The following TMC5 variants were observed in gnomAD, a reference collection of about 807,000 sequenced individuals.
TMC5 encodes the protein transmembrane channel like 5.
In TMC5, 86 loss-of-function variants were observed where a neutral mutation model predicts 110.5. The observed-to-expected ratio is 0.78, with a 90% confidence interval of 0.65 to 0.93. The LOEUF is 0.93. Among genes scored for constraint, TMC5 ranks in the 40% least tolerant of loss-of-function variants. The pLI is 0.00. For missense variants in TMC5, 1,144 were observed against 1,222.8 expected, an observed-to-expected ratio of 0.94 and a Z score of 0.96; for synonymous variants, 455 against 439.5, an observed-to-expected ratio of 1.04 and a Z score of -0.44.
intron 9 of TMC5, among the ~76,000 whole-genome samples, chr16:19,468,123 T>C (rs1180854263): frequency 6.6e-6 from 1 of 152,082 alleles, no homozygotes; most frequent in East Asian, 1.9e-4. Context: ...TACAGGCTCA[T>C]GCCAACACAC....
chr16:19,451,035 G>A (rs1261201738), intron 5 of TMC5, among the ~76,000 whole-genome samples: 3 of 152,168 alleles, frequency 2.0e-5, no homozygotes, highest in African/African-American at 4.8e-5. Flanking sequence ...TTGGGAGACC[G>A]AGGCGGTAGG....
chr16:19,439,604 C>G (rs1287348264), intron 2 of TMC5, among the ~76,000 whole-genome samples: 4 of 152,204 alleles, frequency 2.6e-5, no homozygotes, highest in African/African-American at 9.7e-5. Flanking sequence ...AGCATCCTTT[C>G]CTCTGTTGTG....
At chr16:19,450,423 G>T (rs4782249) in intron 5 of TMC5, among the ~76,000 whole-genome samples, 12,136 of 152,226 alleles carry the variant, frequency 0.08, 1,016 homozygotes, top group African/African-American at 0.22. Flanking sequence ...CTCAGTCTGA[G>T]GTCAGGGAAC....
upstream of TMC5, among the ~76,000 whole-genome samples, chr16:19,415,674 G>A (rs1181884736): frequency 1.3e-5 from 2 of 152,190 alleles, no homozygotes; most frequent in Admixed American, 1.3e-4. Flanking sequence ...AGAACCGCAC[G>A]ATCCAGGTGT....
chr16:19,485,835 C>T (rs1968726999), intron 15 of TMC5, among the ~76,000 whole-genome samples: 1 of 152,166 alleles, frequency 6.6e-6, no homozygotes. Flanking sequence ...TTTTGTTGCT[C>T]ACGAGCACCG....
rs759154101 is a variant in TMC5 at position 19,490,743 on chromosome 16, CTTCCTTCCTTCCTTCCTTCCCTTCCT to C, written c.2747+178_2747+203del. 4.3e-4 allele frequency among the ~76,000 whole-genome samples: 29 copies of C among 67,262 alleles called. 1 individual carries two copies. Among genetic ancestry groups the C allele is most frequent in the Non-Finnish European group, 1.2e-3 (20 of 17,058 alleles). 44.1% of individuals were successfully genotyped at this position (67,262 alleles called of 152,430 possible). On this transcript the variant is annotated intron_variant, in intron 18 of 21. Coordinates refer to ENST00000542583, the MANE Select transcript of TMC5 (RefSeq NM_001261841.2). ...CCTTCCTTCCTTCCTTCCTTCCTTC[CTTCCTTCCTTCCTTCCTTCCCTTCCT>C]TTTTTTCTTTTCTCTTCTCTTCCCT...
At chr16:19,467,736 C>T (rs1242233704) in intron 9 of TMC5, among the ~76,000 whole-genome samples, 2 of 152,120 alleles carry the variant, frequency 1.3e-5, no homozygotes, top group Non-Finnish European at 2.9e-5. Flanking sequence ...CCCGCCTCAG[C>T]CTCCCAAAGT....
chr16:19,494,262 G>C lies in TMC5; in HGVS notation c.2827G>C (p.Glu943Gln). The C allele has an allele frequency of 6.2e-7, 1 of 1,608,456 alleles. No individual in the cohort carries two copies. Among genetic ancestry groups the C allele is most frequent in the Non-Finnish European group, 8.5e-7 (1 of 1,177,280 alleles). The change falls in exon 20 of 22, where the codon GAG becomes CAG. Residue 943 changes from glutamate to glutamine, a missense_variant and splice_region_variant. Coordinates refer to ENST00000542583, the MANE Select transcript of TMC5 (RefSeq NM_001261841.2). ...IRLLHEQIIN[E>Q]GKDKMFLIEK... ...CTGGTTTTGTTTTCCTTCTTGGTAG[G>C]AGGGCAAAGATAAAATGTTCCTGAT...
chr16:19,440,424 C>A lies in TMC5; in HGVS notation c.386C>A (p.Pro129His). ...HRASSRQPDY[P>H]GSQRNPDFAG... Reference sequence around the variant, plus strand: ...GCATCATCCAGACAACCAGACTACCCTGGATCTCAACGAAATCCTGATTTT... The same window carrying A: ...GCATCATCCAGACAACCAGACTACCATGGATCTCAACGAAATCCTGATTTT... Residue 129 changes from proline (P) to histidine (H), a missense_variant, in exon 3 of 22, where the codon CCT becomes CAT. By Grantham distance (77) the Pro-to-His change is moderately conservative. Coordinates refer to ENST00000542583, the MANE Select transcript of TMC5 (RefSeq NM_001261841.2). 1.2e-6 allele frequency: 2 copies of A among 1,614,146 alleles called. No homozygotes were observed. Among genetic ancestry groups the A allele is most frequent in the Non-Finnish European group, 1.7e-6 (2 of 1,180,042 alleles).
intron 4 of TMC5, among the ~76,000 whole-genome samples, chr16:19,446,166 T>C (rs1967611413): frequency 6.6e-6 from 1 of 151,804 alleles, no homozygotes; most frequent in Non-Finnish European, 1.5e-5. Context: ...GAATATTCCT[T>C]TGGGAGCACA....
intron 5 of TMC5, among the ~76,000 whole-genome samples, chr16:19,458,461 G>C (rs1178249472): frequency 3.3e-5 from 5 of 151,930 alleles, no homozygotes; most frequent in Admixed American, 3.3e-4. Flanking sequence ...GATCTGCCTG[G>C]CTTGGCCTCC....
rs974848266 is a variant in TMC5, at chr16:19,485,846, C to A, written c.2364-1099C>A. Among the ~76,000 whole-genome samples, 4 of 152,246 alleles carry A rather than the reference C, an allele frequency of 2.6e-5. No individual in the cohort carries two copies. In the South Asian group the frequency reaches 8.3e-4, roughly 32 times the overall value. On this transcript the variant is annotated intron_variant, in intron 15 of 21. Transcript: ENST00000542583. Reference sequence around the variant, plus strand: ...CTCCTTTTGTTGCTCACGAGCACCGCGGGAGAGTTGTAAAGGGAATGCCTT... The same window carrying A: ...CTCCTTTTGTTGCTCACGAGCACCGAGGGAGAGTTGTAAAGGGAATGCCTT...
chr16:19,465,027 CTT>C (rs1567314437), intron 8 of TMC5, among the ~76,000 whole-genome samples: 7 of 52,096 alleles, frequency 1.3e-4, no homozygotes, highest in Non-Finnish European at 2.9e-4. Flanking sequence ...TTCTTTCTTT[CTT>C]TCTTTCTTTC....
intron 3 of TMC5, among the ~76,000 whole-genome samples, chr16:19,441,161 C>T (rs950996969): frequency 9.9e-5 from 15 of 152,186 alleles, no homozygotes; most frequent in Admixed American, 7.9e-4. Context: ...TAAGACTTGA[C>T]GCTCATAAAT....
chr16:19,470,385 C>T (rs1371527468), intron 10 of TMC5, among the ~76,000 whole-genome samples: 2 of 152,030 alleles, frequency 1.3e-5, no homozygotes, highest in Non-Finnish European at 2.9e-5. Flanking sequence ...TGAGGTTTCA[C>T]TATATTGGCC....
Position 19,439,934 on chromosome 16 carries a change from C to A in TMC5, c.-79-26C>A, listed in dbSNP as rs551263970. The A allele has an allele frequency of 5.9e-6, 6 of 1,025,082 alleles. No homozygotes were observed. The South Asian group carries it at 6.5e-5, about 11-fold the overall frequency. The allele number at this position is 1,025,082 out of a possible 1,614,324, so 63.5% of individuals were successfully genotyped here. ...AGGGAAGAAAGGGAAAAAAATCTGA[C>A]TTTTTCTTTTCTTCTTGTTTTTCAG... On this transcript the variant is annotated intron_variant, in intron 2 of 21. Coordinates refer to ENST00000542583, the MANE Select transcript of TMC5 (RefSeq NM_001261841.2).
intron 2 of TMC5, among the ~76,000 whole-genome samples, chr16:19,434,329 ATATATAATATATATTATATGATCTATAT>A (rs1217976184): frequency 6.0e-4 from 58 of 97,386 alleles, no homozygotes; most frequent in African/African-American, 1.9e-3. Flanking sequence ...ATATAGATCT[ATATATAATATATATTATATGATCTATAT>A]TATATATATA....
intron 5 of TMC5, among the ~76,000 whole-genome samples, chr16:19,453,089 CA>C (rs56904511): frequency 0.07 from 10,599 of 151,122 alleles, 758 homozygotes; most frequent in African/African-American, 0.19. Context: ...AATAGAGGAC[CA>C]AAAGATGAAC....
Position 19,457,100 on chromosome 16 carries a change from T to A in TMC5, c.1049-3135T>A, listed in dbSNP as rs191344275. On this transcript the variant is annotated intron_variant, in intron 5 of 21. Transcript: ENST00000542583. ...CACAGCATATTTTACTTTTTAGATATCAAGTGGGGCCAGGCGTGGTGGCTC... is the reference window on the plus strand; with the variant it reads ...CACAGCATATTTTACTTTTTAGATAACAAGTGGGGCCAGGCGTGGTGGCTC... 4.5e-4 allele frequency: 554 copies of A among 1,226,084 alleles called. 5 individuals are homozygous for A. Among genetic ancestry groups the A allele is most frequent in the Admixed American group, 5.3e-4 (23 of 43,608 alleles). The allele number at this position is 1,226,084 out of a possible 1,614,324, so 76.0% of individuals were successfully genotyped here.
Sources: gnomAD v4.1 joint callset for allele counts (sites outside exome capture counted in the v4.1 genomes callset) on GRCh38, gnomAD v4.1.1 for gene constraint, MANE v1.5 for transcripts, NCBI Gene and HGNC (gene_info 2026-07-23, HGNC 2026-07-21) for gene names.